The following PXDNL variants were observed in gnomAD, a reference collection of about 807,000 sequenced individuals.
PXDNL encodes the protein peroxidasin like, also known as probable oxidoreductase PXDNL.
A neutral mutation model predicts 150.8 loss-of-function variants in PXDNL; 145 were observed. That is an observed-to-expected ratio of 0.96 (90% confidence interval 0.84 to 1.10). The LOEUF is 1.10. Ranked by LOEUF, PXDNL falls within the 50% of genes least tolerant of loss-of-function variation. The probability of loss-of-function intolerance (pLI) is 0.00; values close to 1 mark genes in which losing one functional copy is unlikely to be tolerated. For missense variants in PXDNL, 2,087 were observed against 1,873.9 expected, an observed-to-expected ratio of 1.11 and a Z score of -2.10; for synonymous variants, 757 against 725.7, an observed-to-expected ratio of 1.04 and a Z score of -0.69.
At chr8:51,693,796 G>T (rs570790415) in intron 1 of PXDNL, among the ~76,000 whole-genome samples, 2 of 152,094 alleles carry the variant, frequency 1.3e-5, no homozygotes, top group Non-Finnish European at 2.9e-5. Flanking sequence ...GTAACAAAAA[G>T]GAATTTGAAA....
intron 1 of PXDNL, among the ~76,000 whole-genome samples, chr8:51,808,140 G>A (rs2037698002): frequency 6.6e-6 from 1 of 152,120 alleles, no homozygotes; most frequent in Admixed American, 6.5e-5. Context: ...GATTATGACT[G>A]ACAAATGTGT....
chr8:51,714,967 T>G (rs938626773), intron 1 of PXDNL, among the ~76,000 whole-genome samples: 2 of 152,190 alleles, frequency 1.3e-5, no homozygotes, highest in Non-Finnish European at 2.9e-5. Context: ...AGTTGCCAAA[T>G]GAAAACCCTT....
At chr8:51,566,249 T>C (rs963702998) in intron 3 of PXDNL, among the ~76,000 whole-genome samples, 3 of 151,902 alleles carry the variant, frequency 2.0e-5, no homozygotes, top group Non-Finnish European at 4.4e-5. Context: ...GTGGTTATTA[T>C]TTCCTGTAAT....
At chr8:51,569,295 C>A (rs1033916899) in intron 3 of PXDNL, among the ~76,000 whole-genome samples, 2 of 151,800 alleles carry the variant, frequency 1.3e-5, no homozygotes, top group Non-Finnish European at 2.9e-5. Context: ...ATGTAATATG[C>A]GAATTTCTAA....
intron 1 of PXDNL, among the ~76,000 whole-genome samples, chr8:51,716,991 CAAACAGATGAACTAT>C (rs1481718722): frequency 6.6e-6 from 1 of 152,166 alleles, no homozygotes; most frequent in East Asian, 1.9e-4. Context: ...TAATCAGACC[CAAACAGATGAACTAT>C]TTGCACCATA....
chr8:51,352,163 A>G (rs890633360), intron 19 of PXDNL, among the ~76,000 whole-genome samples: 3 of 152,184 alleles, frequency 2.0e-5, no homozygotes, highest in African/African-American at 7.2e-5. Context: ...ACCATAAAAA[A>G]AAATGTACTG....
chr8:51,377,760 A>G (rs1438500790), intron 17 of PXDNL, among the ~76,000 whole-genome samples: 1 of 152,174 alleles, frequency 6.6e-6, no homozygotes, highest in Non-Finnish European at 1.5e-5. Context: ...CCTGCGGGGC[A>G]GGGCTGAGGA....
intron 1 of PXDNL, among the ~76,000 whole-genome samples, chr8:51,667,412 G>A (rs1030768253): frequency 3.9e-5 from 6 of 152,060 alleles, no homozygotes; most frequent in East Asian, 1.9e-4. Context: ...AGTTTTACAC[G>A]TGATGTAAAC....
At chr8:51,407,690 A>C (rs1467178559) in intron 17 of PXDNL, among the ~76,000 whole-genome samples, 2 of 152,212 alleles carry the variant, frequency 1.3e-5, no homozygotes, top group Non-Finnish European at 2.9e-5. Context: ...CTCCCTAAGA[A>C]GGCCTATGTG....
At chr8:51,611,070 T>C (rs1488798395) in intron 2 of PXDNL, among the ~76,000 whole-genome samples, 1 of 152,178 alleles carries the variant, frequency 6.6e-6, no homozygotes, top group African/African-American at 2.4e-5. Flanking sequence ...GGTCATTGTA[T>C]GGGTATTAGG....
At chr8:51,784,788 C>T (rs1247813753) in intron 1 of PXDNL, among the ~76,000 whole-genome samples, 1 of 152,080 alleles carries the variant, frequency 6.6e-6, no homozygotes, top group African/African-American at 2.4e-5. Flanking sequence ...CTATAAATTT[C>T]ATAGCATAGA....
chr8:51,598,509 A>C (rs1182833315), intron 2 of PXDNL, among the ~76,000 whole-genome samples: 2 of 151,954 alleles, frequency 1.3e-5, no homozygotes. Flanking sequence ...TTCTTTTTTA[A>C]TTCTGCTTAT....
intron 4 of PXDNL, among the ~76,000 whole-genome samples, chr8:51,553,771 T>TAC (rs1554552269): frequency 2.1e-3 from 132 of 63,558 alleles, no homozygotes; most frequent in African/African-American, 0.011. Context: ...TATATATATA[T>TAC]ACACACACTG....
chr8:51,684,835 A>T (rs1585672949), intron 1 of PXDNL, among the ~76,000 whole-genome samples: 1 of 152,210 alleles, frequency 6.6e-6, no homozygotes, highest in African/African-American at 2.4e-5. Context: ...GATGACAGCC[A>T]GGAAACAGGA....
intron 14 of PXDNL, among the ~76,000 whole-genome samples, chr8:51,417,990 T>C (rs1484314482): frequency 6.6e-6 from 1 of 152,178 alleles, no homozygotes; most frequent in East Asian, 1.9e-4. Context: ...TTTATAATGT[T>C]TAAACTATTC....
chr8:51,577,992 AAAGAAAG>A (rs1563471153), intron 3 of PXDNL, among the ~76,000 whole-genome samples: 747 of 58,018 alleles, frequency 0.013, no homozygotes, highest in Middle Eastern at 0.021. Context: ...AGAAAGAAAG[AAAGAAAG>A]AGGAAGGAAG....
intron 3 of PXDNL, among the ~76,000 whole-genome samples, chr8:51,562,350 T>C (rs79266173): frequency 0.028 from 4,181 of 152,016 alleles, 184 homozygotes; most frequent in African/African-American, 0.096. Flanking sequence ...CTTCATTAAA[T>C]TTATTTAGAT....
chr8:51,486,782 ATATATATATATATTTTTTTTTTT>A (rs1295425608), intron 5 of PXDNL, among the ~76,000 whole-genome samples: 1 of 21,420 alleles, frequency 4.7e-5, no homozygotes, highest in Non-Finnish European at 7.5e-5. Flanking sequence ...ATATATATAT[ATATATATATATATTTTTTTTTTT>A]TTTTTTTTTT....
chr8:51,413,135 AAAAT>A lies in PXDNL; in HGVS notation c.1904+11_1904+14del. On this transcript the variant is annotated intron_variant, in intron 15 of 22. Coordinates refer to ENST00000356297, the MANE Select transcript of PXDNL (RefSeq NM_144651.5). ...ATGAAAACAAGGTTTCAATCTGTGTAAAATAAATTCTTACTGTGAAAACAAATGT... is the reference window on the plus strand; with the variant it reads ...ATGAAAACAAGGTTTCAATCTGTGTAAAATTCTTACTGTGAAAACAAATGT... 1 of 1,442,494 alleles carries A rather than the reference AAAAT, an allele frequency of 6.9e-7. No homozygotes were observed. Among genetic ancestry groups the A allele is most frequent in the Non-Finnish European group, 9.8e-7 (1 of 1,024,576 alleles). The allele number at this position is 1,442,494 out of a possible 1,614,324, so 89.4% of individuals were successfully genotyped here.
Sources: allele counts gnomAD v4.1 joint callset (sites outside exome capture counted in the v4.1 genomes callset), GRCh38; gene constraint gnomAD v4.1.1; transcripts MANE v1.5; gene names NCBI Gene and HGNC (gene_info 2026-07-23, HGNC 2026-07-21).